GNAI1: variants seen among roughly 807,000 people sequenced by gnomAD.
The protein encoded by GNAI1 is G protein subunit alpha i1.
GNAI1 carries 11 observed loss-of-function variants against 38.9 expected under a neutral mutation model. The observed-to-expected ratio is 0.28, with a 90% confidence interval of 0.18 to 0.47. The LOEUF is 0.47. GNAI1 is among the 20% of genes least tolerant of loss of function. The pLI is 0.99. For missense variants in GNAI1, 317 were observed against 436.9 expected, an observed-to-expected ratio of 0.73 and a Z score of 2.45; for synonymous variants, 166 against 145.1, an observed-to-expected ratio of 1.14 and a Z score of -1.04.
intron 7 of GNAI1, 79 bp from the exon 8 acceptor site, chr7:80,217,224 A>ATGTATGAAACTGACTTCAGTTTCAGC: frequency 1.1e-6 from 1 of 903,468 alleles, no homozygotes; most frequent in Non-Finnish European, 1.6e-6. Flanking sequence ...TCAGTTTCAT[A>ATGTATGAAACTGACTTCAGTTTCAGC]TGTATGAAAC....
Position 80,218,168 on chromosome 7 carries a change from C to T in GNAI1, c.*675C>T, listed in dbSNP as rs1245922201. The T allele has an allele frequency of 1.3e-5, 2 of 151,934 alleles. No homozygotes were observed. The highest frequency in any genetic ancestry group is 2.4e-5 in the African/African-American group (1 of 41,372). The allele number at this position is 151,934 out of a possible 1,614,324, so 9.4% of individuals were successfully genotyped here. On this transcript the variant is annotated 3_prime_UTR_variant, in exon 8 of 8. Transcript: ENST00000649796. ...AACATTGTATGCATTTTGATTTTTC[C>T]TACTTTAAGAAAATAAAATAATTTA... is the stretch of plus-strand genomic sequence containing the variant.
chr7:80,176,546 G>T (rs1445935996), intron 1 of GNAI1, among the ~76,000 whole-genome samples: 1 of 152,222 alleles, frequency 6.6e-6, no homozygotes, highest in Non-Finnish European at 1.5e-5. Context: ...AGCTACAAAG[G>T]ACAGACTTAC....
intron 1 of GNAI1, among the ~76,000 whole-genome samples, chr7:80,140,436 A>G (rs2116069032): frequency 6.6e-6 from 1 of 152,366 alleles, no homozygotes; most frequent in East Asian, 1.9e-4. Context: ...AACCACAATC[A>G]ATTTTTATTT....
At chr7:80,183,469 TAAAAG>T (rs1271765613) in intron 1 of GNAI1, among the ~76,000 whole-genome samples, 1 of 152,146 alleles carries the variant, frequency 6.6e-6, no homozygotes, top group African/African-American at 2.4e-5. Flanking sequence ...TAAGATTTCT[TAAAAG>T]GAGAGTAGAG....
rs1789009199 is a variant in GNAI1 at position 80,218,320 on chromosome 7, A to G, written c.*827A>G. 1 of 152,222 alleles carries G rather than the reference A, an allele frequency of 6.6e-6. No individual in the cohort carries two copies. Among genetic ancestry groups the G allele is most frequent in the East Asian group, 1.9e-4 (1 of 5,180 alleles). 9.4% of individuals were successfully genotyped at this position (152,222 alleles called of 1,614,324 possible). ...TCACTTGTTTTCACTCTGAATTTTA[A>G]TATTTGGCTGATATGAATGCATTGC... On this transcript the variant is annotated 3_prime_UTR_variant, in exon 8 of 8. Transcript: ENST00000649796.
chr7:80,210,923 T>C (rs1428092558), intron 5 of GNAI1, 46 bp from the exon 6 acceptor site: 1 of 1,577,684 alleles, frequency 6.3e-7, no homozygotes, highest in Non-Finnish European at 8.7e-7. Context: ...TTCTCAGAGC[T>C]TTTTGAACAT....
chr7:80,212,689 G>T lies in GNAI1; in HGVS notation c.721-27G>T, dbSNP rs193302019. 3 of 1,417,894 alleles carry T rather than the reference G, an allele frequency of 2.1e-6. No homozygotes were observed. The East Asian group carries it at 8.1e-5, about 38-fold the overall frequency. The allele number at this position is 1,417,894 out of a possible 1,614,324, so 87.8% of individuals were successfully genotyped here. A position where few individuals can be genotyped will look rare whatever the true frequency, so the allele number is the denominator to read the frequency against. On this transcript the variant is annotated intron_variant, in intron 6 of 7. Transcript: ENST00000649796. ...CTCAAAAATCCTTGCTGTTAGTGAC[G>T]ATTGGTTTTATTTTTTTCTATTACA... is the stretch of plus-strand genomic sequence containing the variant.
At chr7:80,150,027 G>A (rs1787696526) in intron 1 of GNAI1, among the ~76,000 whole-genome samples, 1 of 152,170 alleles carries the variant, frequency 6.6e-6, no homozygotes, top group Non-Finnish European at 1.5e-5. Flanking sequence ...AGATTACAAT[G>A]AGATGCCATC....
intron 1 of GNAI1, among the ~76,000 whole-genome samples, chr7:80,166,834 T>C (rs1170791319): frequency 6.6e-6 from 1 of 152,208 alleles, no homozygotes; most frequent in Admixed American, 6.5e-5. Context: ...TAAAAATGAT[T>C]TGCTGCAGCT....
At chr7:80,189,942 C>CT (rs1178872312) in intron 3 of GNAI1, among the ~76,000 whole-genome samples, 8 of 150,676 alleles carry the variant, frequency 5.3e-5, no homozygotes, top group East Asian at 3.9e-4. Context: ...CCTTTGTTTT[C>CT]TTTTTTTTTC....
intron 1 of GNAI1, among the ~76,000 whole-genome samples, chr7:80,139,773 T>C (rs1787490004): frequency 6.6e-6 from 1 of 152,160 alleles, no homozygotes; most frequent in Admixed American, 6.5e-5. Flanking sequence ...TCAAATTGTT[T>C]GGTTTAAGAT....
chr7:80,170,939 G>C (rs1216297605), intron 1 of GNAI1, among the ~76,000 whole-genome samples: 1 of 152,102 alleles, frequency 6.6e-6, no homozygotes, highest in African/African-American at 2.4e-5. Flanking sequence ...TTTCACATTT[G>C]ACATCACTAA....
At chr7:80,165,632 G>A (rs1350128036) in intron 1 of GNAI1, among the ~76,000 whole-genome samples, 5 of 152,038 alleles carry the variant, frequency 3.3e-5, no homozygotes, top group Non-Finnish European at 5.9e-5. Context: ...TTGTGAAATT[G>A]AACATACTGT....
chr7:80,183,163 A>G (rs980385206), intron 1 of GNAI1, among the ~76,000 whole-genome samples: 1 of 152,238 alleles, frequency 6.6e-6, no homozygotes, highest in African/African-American at 2.4e-5. Context: ...TCAAAGAAAG[A>G]GAAACGTATT....
At chr7:80,147,660 G>A (rs1282364908) in intron 1 of GNAI1, among the ~76,000 whole-genome samples, 2 of 152,148 alleles carry the variant, frequency 1.3e-5, no homozygotes, top group Non-Finnish European at 2.9e-5. Flanking sequence ...CTTCTGATCT[G>A]TAGGTGGTGC....
intron 1 of GNAI1, among the ~76,000 whole-genome samples, chr7:80,164,556 G>A (rs1342880457): frequency 6.6e-6 from 1 of 151,910 alleles, no homozygotes; most frequent in Non-Finnish European, 1.5e-5. Context: ...CAGAGACGGG[G>A]TTTCACCGTG....
intron 1 of GNAI1, among the ~76,000 whole-genome samples, chr7:80,178,499 T>C (rs1035895048): frequency 6.6e-6 from 1 of 152,192 alleles, no homozygotes; most frequent in Non-Finnish European, 1.5e-5. Context: ...CCCTCAACTT[T>C]CACCAACACT....
At chr7:80,135,302 CGG>C in intron 1 of GNAI1, 24 bp downstream of exon 1, 1 of 1,275,206 alleles carries the variant, frequency 7.8e-7, no homozygotes, top group Non-Finnish European at 1.0e-6. Context: ...GGTCGGGGCC[CGG>C]GGGTCGGCGG....
At position 80,221,059 on chromosome 7, in the gene GNAI1, A is replaced by G. The variant is rs962324829; in HGVS notation, c.*3566A>G. Among the ~76,000 whole-genome samples, 3 of 152,184 alleles carry G rather than the reference A, an allele frequency of 2.0e-5. No individual in the cohort carries two copies. The highest frequency in any genetic ancestry group is 7.2e-5 in the African/African-American group (3 of 41,432). On this transcript the variant is annotated 3_prime_UTR_variant, in exon 8 of 8. Coordinates refer to ENST00000649796, the MANE Select transcript of GNAI1 (RefSeq NM_002069.6). ...CCTTATGTAAATGAATTTAGTTGAT[A>G]CTGTAATCATTATTACAGATGGTAG...
Sources: gnomAD v4.1 joint callset for allele counts (sites outside exome capture counted in the v4.1 genomes callset) on GRCh38, gnomAD v4.1.1 for gene constraint, MANE v1.5 for transcripts, NCBI Gene and HGNC (gene_info 2026-07-23, HGNC 2026-07-21) for gene names.